Variants in PLEKHA8 observed in about 807,000 individuals in gnomAD.
PLEKHA8 encodes pleckstrin homology domain-containing family A member 8.
A neutral mutation model predicts 68.2 loss-of-function variants in PLEKHA8; 36 were observed. The observed-to-expected ratio is 0.53, with a 90% CI of 0.40 to 0.70. PLEKHA8 has a LOEUF of 0.70. PLEKHA8 is among the 30% of genes least tolerant of loss of function. The pLI, the probability that PLEKHA8 is intolerant of heterozygous loss-of-function variation, is 0.00. For synonymous variants in PLEKHA8, 211 were observed against 216.1 expected (o/e 0.98, Z 0.20); for missense variants, 505 against 615.4 (o/e 0.82, Z 1.90).
In PLEKHA8 at chr7:30,061,980, A is replaced by G; in HGVS notation, c.1182A>G (p.Val394=). The change falls in exon 11 of 14, where the codon GTA becomes GTG. Residue 394 remains valine, a synonymous_variant. Transcript: ENST00000449726. ...TGCTGCACGAAGTGGAGGCGGATGT[A>G]GCCCAGGTTAGGAACTCAGCGACTG... ...KIVLHEVEAD[V]AQVRNSATEA... 6.2e-7 allele frequency: 1 copy of G among 1,614,090 alleles called. No individual in the cohort carries two copies.
chr7:30,050,519 G>T, intron 6 of PLEKHA8, 45 bp downstream of exon 6: 3 of 1,493,332 alleles, frequency 2.0e-6, no homozygotes, highest in Middle Eastern at 2.1e-4. Context: ...AAAAAAATAA[G>T]GATATTGTTA....
chr7:30,089,716 AG>A, intron 12 of PLEKHA8, among the ~76,000 whole-genome samples: 1 of 152,186 alleles, frequency 6.6e-6, no homozygotes, highest in African/African-American at 2.4e-5. Context: ...AAAAAAAGCT[AG>A]TCCAAGAAAC....
chr7:30,078,246 T>C (rs914669547), intron 13 of PLEKHA8, among the ~76,000 whole-genome samples: 8 of 152,128 alleles, frequency 5.3e-5, no homozygotes, highest in Non-Finnish European at 7.4e-5. Context: ...AACATGCATA[T>C]AGATTCTGAG....
intron 1 of PLEKHA8, among the ~76,000 whole-genome samples, chr7:30,032,938 A>G (rs1790775003): frequency 6.6e-6 from 1 of 152,240 alleles, no homozygotes; most frequent in South Asian, 2.1e-4. Flanking sequence ...GAAAATAACA[A>G]AAGCCTGCAT....
intron 13 of PLEKHA8, chr7:30,129,143 T>C: frequency 1.5e-6 from 2 of 1,369,222 alleles, no homozygotes; most frequent in Non-Finnish European, 2.1e-6. Flanking sequence ...AAATATACCT[T>C]GCTGAAAAAC....
chr7:30,028,808 TG>T lies in PLEKHA8; in HGVS notation c.40+8del. 1 of 1,267,788 alleles carries T rather than the reference TG, an allele frequency of 7.9e-7. No homozygotes were observed. The highest frequency in any genetic ancestry group is 1.0e-6 in the Non-Finnish European group (1 of 1,001,172). 78.5% of individuals were successfully genotyped at this position (1,267,788 alleles called of 1,614,324 possible). A position where few individuals can be genotyped will look rare whatever the true frequency, so the allele number is the denominator to read the frequency against. ...GTGGACCAACTATCTGAGCGGTGAG[TG>T]GCCGTGCCGGGCCGGGGGCGCGCCG... On this transcript the variant is annotated splice_region_variant and intron_variant, in intron 1 of 13. Transcript: ENST00000449726.
chr7:30,062,952 A>C (rs191575445), intron 12 of PLEKHA8, among the ~76,000 whole-genome samples: 2 of 152,378 alleles, frequency 1.3e-5, no homozygotes, highest in East Asian at 3.9e-4. Flanking sequence ...ACTTACTAAA[A>C]ATCAGTATAT....
At chr7:30,051,831 G>A (rs10256616) in intron 6 of PLEKHA8, among the ~76,000 whole-genome samples, 8,412 of 152,166 alleles carry the variant, frequency 0.055, 359 homozygotes, top group Middle Eastern at 0.078. Context: ...AAATTAACTG[G>A]GTGTGGTTGC....
rs13246695 is a variant in PLEKHA8 at position 30,112,293 on chromosome 7, T to C, written c.1363-16973T>C. ...ATATGAAAGGTTTGAACAAGACGAT[T>C]TTCACGACTCAGCATATACCAAAAA... On this transcript the variant is annotated intron_variant, in intron 13 of 13. Transcript: ENST00000396257. 1.1e-3 allele frequency among the ~76,000 whole-genome samples: 172 copies of C among 152,142 alleles called. 1 individual carries two copies. The highest frequency in any genetic ancestry group is 8.5e-4 in the Non-Finnish European group (58 of 68,006).
At chr7:30,060,417 A>T (rs949491713) in intron 9 of PLEKHA8, among the ~76,000 whole-genome samples, 2 of 151,804 alleles carry the variant, frequency 1.3e-5, no homozygotes, top group South Asian at 4.2e-4. Flanking sequence ...CAGCCTGGGG[A>T]CAGAGCGAGA....
chr7:30,092,843 C>T (rs1471047502), downstream of PLEKHA8, among the ~76,000 whole-genome samples: 1 of 152,146 alleles, frequency 6.6e-6, no homozygotes, highest in Admixed American at 6.5e-5. Context: ...AAAGTGAGAT[C>T]GAGAGAAAGT....
chr7:30,073,585 A>AAAAAAAAAAAAAAAAAAAAAG (rs1794408053), intron 12 of PLEKHA8, among the ~76,000 whole-genome samples: 1 of 151,588 alleles, frequency 6.6e-6, no homozygotes, highest in African/African-American at 2.4e-5. Context: ...AAAAAAAAAA[A>AAAAAAAAAAAAAAAAAAAAAG]AAAATTCCAT....
chr7:30,110,473 A>G (rs1796236398), intron 13 of PLEKHA8, among the ~76,000 whole-genome samples: 1 of 152,182 alleles, frequency 6.6e-6, no homozygotes, highest in African/African-American at 2.4e-5. Context: ...TAATGTTGCT[A>G]GAATATTTGT....
chr7:30,049,408 C>T (rs1229906434), intron 5 of PLEKHA8, 26 bp downstream of exon 5: 3 of 1,604,656 alleles, frequency 1.9e-6, no homozygotes, highest in African/African-American at 2.7e-5. Flanking sequence ...AGTTTGGCTG[C>T]AACAAGGCAT....
At chr7:30,128,402 C>T (rs887149814) in intron 13 of PLEKHA8, among the ~76,000 whole-genome samples, 7 of 152,144 alleles carry the variant, frequency 4.6e-5, no homozygotes, top group Admixed American at 1.3e-4. Context: ...CCACTATGCC[C>T]GGCTGTTTGG....
At chr7:30,056,943 T>TTA (rs1454714440) in intron 9 of PLEKHA8, among the ~76,000 whole-genome samples, 1 of 147,378 alleles carries the variant, frequency 6.8e-6, no homozygotes, top group Non-Finnish European at 1.5e-5. Flanking sequence ...TAATATATAT[T>TTA]TATATATATA....
At chr7:30,055,505 A>C (rs1792774244) in intron 9 of PLEKHA8, among the ~76,000 whole-genome samples, 163 bp downstream of exon 9, 1 of 152,244 alleles carries the variant, frequency 6.6e-6, no homozygotes, top group Non-Finnish European at 1.5e-5. Context: ...GACCTTAAGC[A>C]TTATTGCATA....
At chr7:30,095,409 T>C (rs1397584907), downstream of PLEKHA8, among the ~76,000 whole-genome samples, 1 of 152,268 alleles carries the variant, frequency 6.6e-6, no homozygotes. Flanking sequence ...GAGTTCATTG[T>C]AGATTCTGGA....
In PLEKHA8 at chr7:30,052,767, G is replaced by A; in HGVS notation, c.697G>A (p.Glu233Lys). The part of the protein sequence containing the change: ...GSLNMEINGE[E>K]EILMKNKNSL... ...TTTAAATATGGAAATAAATGGTGAG[G>A]AAGAAATCCTAATGAAAAATAAGAA... is the stretch of plus-strand genomic sequence containing the variant. The change falls in exon 7 of 14, where the codon GAA (glutamate) becomes AAA (lysine). Residue 233 changes from glutamate to lysine, a missense_variant. Transcript: ENST00000449726. The A allele has an allele frequency of 1.9e-6, 3 of 1,569,042 alleles. No individual in the cohort carries two copies. The South Asian group carries it at 3.6e-5, about 19-fold the overall frequency.
Sources: allele counts gnomAD v4.1 joint callset (sites outside exome capture counted in the v4.1 genomes callset), GRCh38; gene constraint gnomAD v4.1.1; transcripts MANE v1.5; gene names NCBI Gene and HGNC (gene_info 2026-07-23, HGNC 2026-07-21).